Variants in SH3GL3 observed in about 807,000 individuals in gnomAD.
SH3GL3 encodes the protein SH3 domain containing GRB2 like 3, endophilin A3.
A neutral mutation model predicts 47.7 loss-of-function variants in SH3GL3; 33 were observed. The ratio of observed to expected loss-of-function variants is 0.69; its 90% CI spans 0.52 to 0.92. The LOEUF is 0.92. SH3GL3 is among the 40% of genes least tolerant of loss of function. The pLI, the probability that SH3GL3 is intolerant of heterozygous loss-of-function variation, is 0.00. For synonymous variants in SH3GL3, 155 were observed against 148.8 expected, an observed-to-expected ratio of 1.04 and a Z score of -0.30; for missense variants, 363 against 417.8, an observed-to-expected ratio of 0.87 and a Z score of 1.14.
At chr15:83,493,795 G>A (rs542061158) in intron 1 of SH3GL3, among the ~76,000 whole-genome samples, 61 of 152,370 alleles carry the variant, frequency 4.0e-4, no homozygotes, top group Admixed American at 9.1e-4. Context: ...CCTGGAGACA[G>A]AGGTCAGGCC....
intron 8 of SH3GL3, chr15:83,609,320 G>C: frequency 2.2e-6 from 1 of 455,956 alleles, no homozygotes; most frequent in Admixed American, 2.3e-5. Flanking sequence ...GGACTGCTTC[G>C]GGAAGGCCAT....
chr15:83,618,809 A>G, downstream of SH3GL3: 1 of 162,656 alleles, frequency 6.1e-6, no homozygotes. Flanking sequence ...GCAAACTCAC[A>G]CCCCATGGCC....
At chr15:83,493,727 T>C (rs926991226) in intron 1 of SH3GL3, among the ~76,000 whole-genome samples, 1 of 144,030 alleles carries the variant, frequency 6.9e-6, no homozygotes, top group Non-Finnish European at 1.5e-5. Context: ...CATGCAATCA[T>C]AACCCACGTG....
Position 83,586,648 on chromosome 15 carries a change from G to A in SH3GL3, c.625-335G>A, listed in dbSNP as rs149297557. On this transcript the variant is annotated intron_variant, in intron 6 of 8. Coordinates refer to ENST00000427482, the MANE Select transcript of SH3GL3 (RefSeq NM_003027.5). ...TAAATGTTGGCTTCGTTTGTAACTG[G>A]AAGAGCTTTATCTCTCTGTTTTCAG... 1.4e-4 allele frequency among the ~76,000 whole-genome samples: 22 copies of A among 152,320 alleles called. No homozygotes were observed. The East Asian group carries it at 3.7e-3, about 25-fold the overall frequency.
intron 1 of SH3GL3, among the ~76,000 whole-genome samples, chr15:83,498,407 A>G (rs2042164642): frequency 6.6e-6 from 1 of 152,204 alleles, no homozygotes; most frequent in East Asian, 1.9e-4. Flanking sequence ...GGACATGAAG[A>G]TAAAATTAGA....
chr15:83,567,176 T>C (rs1170172221), intron 3 of SH3GL3, among the ~76,000 whole-genome samples: 1 of 152,150 alleles, frequency 6.6e-6, no homozygotes, highest in East Asian at 1.9e-4. Flanking sequence ...CCTGTATTAA[T>C]AGCATTTTAG....
chr15:83,561,858 G>A (rs2045290037), intron 2 of SH3GL3, among the ~76,000 whole-genome samples: 1 of 152,086 alleles, frequency 6.6e-6, no homozygotes, highest in South Asian at 2.1e-4. Context: ...ACACCTCATG[G>A]GCAGGGTGCC....
At chr15:83,491,153 T>C (rs1357920327) in intron 1 of SH3GL3, among the ~76,000 whole-genome samples, 1 of 152,250 alleles carries the variant, frequency 6.6e-6, no homozygotes, top group Non-Finnish European at 1.5e-5. Flanking sequence ...ATGTGTGTTT[T>C]GGAGACAGAG....
chr15:83,555,697 G>A (rs2044917078), intron 1 of SH3GL3, among the ~76,000 whole-genome samples: 1 of 152,048 alleles, frequency 6.6e-6, no homozygotes, highest in African/African-American at 2.4e-5. Flanking sequence ...TTTTTTCCCA[G>A]CCTCATTTGC....
intron 1 of SH3GL3, among the ~76,000 whole-genome samples, chr15:83,461,670 C>T (rs1447795537): frequency 6.6e-6 from 1 of 151,874 alleles, no homozygotes; most frequent in African/African-American, 2.4e-5. Flanking sequence ...TAACAAGATA[C>T]AATTTAAAAT....
chr15:83,595,617 T>G (rs1301858621), intron 8 of SH3GL3, among the ~76,000 whole-genome samples: 2 of 86,790 alleles, frequency 2.3e-5, no homozygotes, highest in Admixed American at 2.8e-4. Context: ...AGTTACTCCT[T>G]GTTTTTTTTT....
At chr15:83,542,318 C>G (rs564719410) in intron 1 of SH3GL3, among the ~76,000 whole-genome samples, 1 of 152,114 alleles carries the variant, frequency 6.6e-6, no homozygotes, top group East Asian at 1.9e-4. Context: ...TTGTTTTGTT[C>G]CATTGGTCTG....
intron 5 of SH3GL3, among the ~76,000 whole-genome samples, chr15:83,575,636 C>G (rs1477735512): frequency 6.6e-6 from 1 of 152,090 alleles, no homozygotes; most frequent in East Asian, 1.9e-4. Context: ...AGGGACCAGC[C>G]CAAAGTCACA....
chr15:83,515,525 TGGG>T (rs201207311), intron 1 of SH3GL3, among the ~76,000 whole-genome samples: 2 of 147,424 alleles, frequency 1.4e-5, no homozygotes, highest in African/African-American at 5.0e-5. Context: ...CCCATGCAGG[TGGG>T]GGGGGAGGGG....
At chr15:83,481,274 CAAAA>C (rs5814148) in intron 1 of SH3GL3, among the ~76,000 whole-genome samples, 8 of 116,178 alleles carry the variant, frequency 6.9e-5, no homozygotes, top group African/African-American at 6.5e-5. Flanking sequence ...CATTCTGTCT[CAAAA>C]AAAAAAAAAA....
At chr15:83,464,652 A>C (rs1394181906) in intron 1 of SH3GL3, among the ~76,000 whole-genome samples, 1 of 152,008 alleles carries the variant, frequency 6.6e-6, no homozygotes, top group African/African-American at 2.4e-5. Flanking sequence ...ACCAGGACTC[A>C]TCCTTGACAT....
chr15:83,545,589 A>G (rs2044355938), intron 1 of SH3GL3, among the ~76,000 whole-genome samples: 1 of 152,114 alleles, frequency 6.6e-6, no homozygotes, highest in Non-Finnish European at 1.5e-5. Context: ...ATGTTCATTC[A>G]TGTCTGGGCA....
At chr15:83,472,689 G>A (rs1567247675) in intron 1 of SH3GL3, among the ~76,000 whole-genome samples, 1 of 152,032 alleles carries the variant, frequency 6.6e-6, no homozygotes, top group Non-Finnish European at 1.5e-5. Context: ...TGTGATCTTG[G>A]TGTTGGCATC....
intron 1 of SH3GL3, among the ~76,000 whole-genome samples, chr15:83,449,207 G>T (rs1315381207): frequency 6.6e-6 from 1 of 152,142 alleles, no homozygotes; most frequent in African/African-American, 2.4e-5. Flanking sequence ...TTGAATAGAT[G>T]AAATTTTGGG....
Sources: allele counts gnomAD v4.1 joint callset (sites outside exome capture counted in the v4.1 genomes callset), GRCh38; gene constraint gnomAD v4.1.1; transcripts MANE v1.5; gene names NCBI Gene and HGNC (gene_info 2026-07-23, HGNC 2026-07-21).